The following RAI1 variants were observed in gnomAD, a reference collection of about 807,000 sequenced individuals.
The protein encoded by RAI1 is retinoic acid-induced protein 1.
RAI1 carries 9 observed loss-of-function variants against 123.8 expected under a neutral mutation model. The observed-to-expected ratio is 0.07, with a 90% CI of 0.04 to 0.13. RAI1 has a LOEUF of 0.13. Among genes scored for constraint, RAI1 ranks in the 10% least tolerant of loss-of-function variants. The pLI is 1.00. For missense variants in RAI1, 2,256 were observed against 2,545.8 expected (o/e 0.89, Z 2.45); for synonymous variants, 1,231 against 1,127.3 (o/e 1.09, Z -1.84).
chr17:17,684,874 C>T (rs542340882), intron 1 of RAI1: 1 of 152,022 alleles, frequency 6.6e-6, no homozygotes, highest in African/African-American at 2.4e-5. Flanking sequence ...TGGGTTGACT[C>T]CTGGCTCCAC....
chr17:17,807,653 T>C (rs2032620635), intron 4 of RAI1, among the ~76,000 whole-genome samples: 1 of 152,098 alleles, frequency 6.6e-6, no homozygotes, highest in Admixed American at 6.5e-5. Flanking sequence ...CCGTGCCCCA[T>C]GTGGGGTGGT....
At chr17:17,699,071 C>T (rs1435101836) in intron 1 of RAI1, among the ~76,000 whole-genome samples, 6 of 152,186 alleles carry the variant, frequency 3.9e-5, no homozygotes, top group South Asian at 2.1e-4. Context: ...AAGGCTCAGC[C>T]GGGATTGAAG....
chr17:17,768,457 C>T (rs191734111), intron 2 of RAI1, among the ~76,000 whole-genome samples: 1 of 152,324 alleles, frequency 6.6e-6, no homozygotes, highest in Non-Finnish European at 1.5e-5. Context: ...TGCTCAATAG[C>T]TATTTGGAGG....
chr17:17,694,689 G>T (rs1914953114), intron 1 of RAI1, among the ~76,000 whole-genome samples: 2 of 151,304 alleles, frequency 1.3e-5, no homozygotes, highest in Admixed American at 6.6e-5. Flanking sequence ...CCCACAGGCC[G>T]CGGTCGGGGC....
At position 17,809,855 on chromosome 17, in the gene RAI1, G is replaced by GC. The variant is rs1479309725; in HGVS notation, c.5710-114dup. 3.5e-6 allele frequency: 5 copies of GC among 1,447,130 alleles called. No individual in the cohort carries two copies. The highest frequency in any genetic ancestry group is 4.7e-6 in the Non-Finnish European group (5 of 1,057,848). 89.6% of individuals were successfully genotyped at this position (1,447,130 alleles called of 1,614,324 possible). A position where few individuals can be genotyped will look rare whatever the true frequency, so the allele number is the denominator to read the frequency against. On this transcript the variant is annotated intron_variant, in intron 5 of 5. Coordinates refer to ENST00000353383, the MANE Select transcript of RAI1 (RefSeq NM_030665.4). The surrounding 1 kb of genome is among the most constrained non-coding windows in gnomAD (Gnocchi z 4.9). ...ACGGCCTCGGGCGGAGACCCCAGCC[G>GC]CGCTCTGGGGTCGCCTGGGTCTGGG... is the stretch of plus-strand genomic sequence containing the variant.
In RAI1 at chr17:17,797,783, C is replaced by T; in HGVS notation, c.4835C>T (p.Thr1612Ile). The T allele has an allele frequency of 6.2e-7, 1 of 1,614,104 alleles. No individual in the cohort carries two copies. Among genetic ancestry groups the T allele is most frequent in the Admixed American group, 1.7e-5 (1 of 60,036 alleles). The stretch of plus-strand genomic sequence containing the variant: ...CGAGACGCGTTCACCACCATATGCA[C>T]TGTTGTCAACTCCCCTGGAGATGCG... ...EKRDAFTTIC[T>I]VVNSPGDAPK... is the part of the protein sequence containing the mutation. Residue 1612 changes from threonine (T) to isoleucine (I), a missense_variant, in exon 3 of 6, where the codon ACT becomes ATT. Physicochemically the swap from Thr to Ile is moderately conservative, Grantham distance 89. Coordinates refer to ENST00000353383, the MANE Select transcript of RAI1 (RefSeq NM_030665.4).
At chr17:17,722,470 C>T (rs1265243765) in intron 1 of RAI1, among the ~76,000 whole-genome samples, 2 of 152,182 alleles carry the variant, frequency 1.3e-5, no homozygotes, top group Non-Finnish European at 2.9e-5. Flanking sequence ...AAGAGGGGCC[C>T]GCGCCACCTC....
rs2032242335 is a variant in RAI1 at position 17,796,242 on chromosome 17, G to A, written c.3294G>A (p.Val1098=). ...QRAAFKSGKR[V]GKPSPKAASS... ...CCGCCTTCAAGTCGGGCAAGCGGGTGGGGAAGCCCTCACCCAAGGCTGCCT... is the reference window on the plus strand; with the variant it reads ...CCGCCTTCAAGTCGGGCAAGCGGGTAGGGAAGCCCTCACCCAAGGCTGCCT... The change falls in exon 3 of 6, where the codon GTG becomes GTA. Residue 1098 remains valine, a synonymous_variant. Transcript: ENST00000353383. This position sits in a 1 kb window ranked among gnomAD's most constrained non-coding sequence, Gnocchi z 5.8. 1.3e-6 allele frequency: 2 copies of A among 1,574,810 alleles called. No homozygotes were observed. The highest frequency in any genetic ancestry group is 2.3e-5 in the East Asian group (1 of 44,234).
At position 17,797,563 on chromosome 17, in the gene RAI1, C is replaced by A. The variant is rs747006500; in HGVS notation, c.4615C>A (p.Arg1539Ser). The A allele has an allele frequency of 1.2e-6, 2 of 1,614,084 alleles. No homozygotes were observed. Among genetic ancestry groups the A allele is most frequent in the Non-Finnish European group, 1.7e-6 (2 of 1,180,030 alleles). The change falls in exon 3 of 6, where the codon CGC becomes AGC. Residue 1539 changes from arginine to serine, a missense_variant. Physicochemically the swap from Arg to Ser is moderately radical, Grantham distance 110. Coordinates refer to ENST00000353383, the MANE Select transcript of RAI1 (RefSeq NM_030665.4). Reference sequence around the variant, plus strand: ...CTACAGCAGCTATTCCAAGCGGAAGCGCCTCACTCGGGGCCGGGCCAAGAA... The same window carrying A: ...CTACAGCAGCTATTCCAAGCGGAAGAGCCTCACTCGGGGCCGGGCCAAGAA... ...TNYSSYSKRK[R>S]LTRGRAKNTT...
rs138063517 is a variant in RAI1, at chr17:17,800,588, G to A, written c.5565+2075G>A. On this transcript the variant is annotated intron_variant, in intron 3 of 5. Transcript: ENST00000353383. This position sits in a 1 kb window ranked among gnomAD's most constrained non-coding sequence, Gnocchi z 4.7. Reference sequence around the variant, plus strand: ...CTGCTGGACTGAGGAGACAGTGTGTGTTGGAGAGGCGCTAGCTTCCCTACA... The same window carrying A: ...CTGCTGGACTGAGGAGACAGTGTGTATTGGAGAGGCGCTAGCTTCCCTACA... 4.4e-4 allele frequency among the ~76,000 whole-genome samples: 67 copies of A among 152,232 alleles called. No homozygotes were observed. Among genetic ancestry groups the A allele is most frequent in the Non-Finnish European group, 5.0e-4 (34 of 68,006 alleles).
chr17:17,804,654 G>GT (rs2032561443), intron 4 of RAI1, among the ~76,000 whole-genome samples: 1 of 151,672 alleles, frequency 6.6e-6, no homozygotes, highest in African/African-American at 2.4e-5. Context: ...GTGGTGGGGG[G>GT]TGGGGTGGTT....
intron 2 of RAI1, among the ~76,000 whole-genome samples, chr17:17,792,045 G>A (rs1347922038): frequency 2.6e-5 from 4 of 152,162 alleles, no homozygotes; most frequent in African/African-American, 9.7e-5. Flanking sequence ...CATGTGGGTG[G>A]GGCTGGGCTG....
chr17:17,735,433 A>G (rs1202501953), intron 2 of RAI1, among the ~76,000 whole-genome samples: 3 of 148,452 alleles, frequency 2.0e-5, no homozygotes. Context: ...GGCTCACTGC[A>G]ATCTCCGCCT....
At chr17:17,728,949 C>T (rs573132548) in intron 2 of RAI1, among the ~76,000 whole-genome samples, 7 of 152,310 alleles carry the variant, frequency 4.6e-5, no homozygotes, top group African/African-American at 1.4e-4. Flanking sequence ...TTCTCCATGG[C>T]GCCCCTGAGG....
intron 1 of RAI1, among the ~76,000 whole-genome samples, chr17:17,708,936 T>G (rs1417040738): frequency 6.6e-6 from 1 of 152,202 alleles, no homozygotes; most frequent in East Asian, 1.9e-4. Flanking sequence ...CCACCCCTGC[T>G]CCAGGCACAA....
At chr17:17,701,423 G>A (rs1372339667) in intron 1 of RAI1, among the ~76,000 whole-genome samples, 1 of 152,062 alleles carries the variant, frequency 6.6e-6, no homozygotes, top group Non-Finnish European at 1.5e-5. Context: ...ACCCCATCAA[G>A]TGATCCTGGG....
In RAI1 at chr17:17,794,276, A is replaced by G. The variant is rs753509116; in HGVS notation, c.1328A>G (p.Glu443Gly). The G allele has an allele frequency of 5.6e-6, 9 of 1,613,286 alleles. 1 individual carries two copies. In the South Asian group the frequency reaches 9.9e-5, roughly 18 times the overall value. ...QSLTALTSQV[E>G]NISNTVQQLL... Reference sequence around the variant, plus strand: ...CTCACGGCGCTGACCTCACAGGTGGAGAACATCTCCAACACCGTCCAGCAG... The same window carrying G: ...CTCACGGCGCTGACCTCACAGGTGGGGAACATCTCCAACACCGTCCAGCAG... Residue 443 changes from glutamate to glycine, a missense_variant, in exon 3 of 6, where the codon GAG (glutamate) becomes GGG (glycine). Glu to Gly is a moderately conservative substitution (Grantham distance 98). This residue lies in a region of RAI1 where 357 missense variants were observed against 480.2 expected (regional missense o/e 0.74). Coordinates refer to ENST00000353383, the MANE Select transcript of RAI1 (RefSeq NM_030665.4).
Position 17,725,928 on chromosome 17 carries a change from C to T in RAI1, c.-17+1769C>T, listed in dbSNP as rs576588745. Among the ~76,000 whole-genome samples the T allele has an allele frequency of 1.1e-4, 16 of 152,244 alleles. 1 individual carries two copies. The South Asian group carries it at 2.7e-3, about 26-fold the overall frequency. ...TTGGTCCAGGAATAGAAAGAGTTAA[C>T]CCTCCCCCAGAAATTTGTCAGCCCC... On this transcript the variant is annotated intron_variant, in intron 2 of 5. Coordinates refer to ENST00000353383, the MANE Select transcript of RAI1 (RefSeq NM_030665.4).
chr17:17,771,079 AC>A (rs1418024122), intron 2 of RAI1, among the ~76,000 whole-genome samples: 2 of 152,066 alleles, frequency 1.3e-5, no homozygotes, highest in Admixed American at 6.5e-5. Context: ...GGATGGGGAG[AC>A]AGGAGCCCAG....
Sources: allele counts gnomAD v4.1 joint callset (sites outside exome capture counted in the v4.1 genomes callset), GRCh38; gene constraint gnomAD v4.1.1; regional missense constraint gnomAD v4.1.1; non-coding constraint Gnocchi (gnomAD v3.1); transcripts MANE v1.5; gene names NCBI Gene and HGNC (gene_info 2026-07-23, HGNC 2026-07-21).